UCP1: variants seen among roughly 807,000 people sequenced by gnomAD.
The protein encoded by UCP1 is uncoupling protein 1.
A neutral mutation model predicts 26.2 loss-of-function variants in UCP1; 24 were observed. The observed-to-expected ratio is 0.92, with a 90% CI of 0.66 to 1.29. The LOEUF is 1.29. Among genes scored for constraint, UCP1 ranks in the 50% most tolerant of loss-of-function variants. The probability of loss-of-function intolerance (pLI) is 0.00; values close to 1 mark genes in which losing one functional copy is unlikely to be tolerated. For synonymous variants in UCP1, 164 were observed against 156.8 expected, an observed-to-expected ratio of 1.05 and a Z score of -0.34; for missense variants, 402 against 388.7, an observed-to-expected ratio of 1.03 and a Z score of -0.29.
intron 5 of UCP1, 41 bp downstream of exon 5, chr4:140,562,152 A>C (rs1429775589): frequency 2.5e-6 from 4 of 1,612,042 alleles, no homozygotes; most frequent in Admixed American, 3.3e-5. Flanking sequence ...AAGCACACAG[A>C]CAGCCAGAAC....
At chr4:140,568,117 G>T in intron 1 of UCP1, 140 bp from the exon 2 acceptor site, 2 of 289,946 alleles carry the variant, frequency 6.9e-6, no homozygotes, top group Admixed American at 4.8e-5. Context: ...CCGTGTGTGT[G>T]TGTGTGTGTG....
In UCP1 at chr4:140,568,866, C is replaced by CGGCGGTGCAGA. The variant is rs1485352393; in HGVS notation, c.-148_-138dup. On this transcript the variant is annotated 5_prime_UTR_variant, in exon 1 of 6. Transcript: ENST00000262999. ...GTTTTTTGAACCGACCGCCGGGCAGCGGCGGTGCAGAGGCGGCGGCTGCAG... is the reference window on the plus strand; with the variant it reads ...GTTTTTTGAACCGACCGCCGGGCAGCGGCGGTGCAGAGGCGGTGCAGAGGCGGCGGCTGCAG... 7.1e-7 allele frequency: 1 copy of CGGCGGTGCAGA among 1,405,426 alleles called. No individual in the cohort carries two copies. Among genetic ancestry groups the CGGCGGTGCAGA allele is most frequent in the African/African-American group, 1.4e-5 (1 of 70,262 alleles). 87.1% of individuals were successfully genotyped at this position (1,405,426 alleles called of 1,614,324 possible). A position where few individuals can be genotyped will look rare whatever the true frequency, so the allele number is the denominator to read the frequency against.
intron 1 of UCP1, among the ~76,000 whole-genome samples, 164 bp from the exon 2 acceptor site, chr4:140,568,141 GTGTGTGTGTGT>G (rs1735845995): frequency 6.6e-6 from 1 of 150,726 alleles, no homozygotes; most frequent in African/African-American, 2.5e-5. Context: ...GTGTGTGTGT[GTGTGTGTGTGT>G]GTGTTCGCTC....
chr4:140,564,622 A>C (rs1735757544), intron 2 of UCP1, among the ~76,000 whole-genome samples: 1 of 152,218 alleles, frequency 6.6e-6, no homozygotes, highest in Non-Finnish European at 1.5e-5. Flanking sequence ...AGCAATTTTT[A>C]AATCACTACC....
chr4:140,564,051 A>G (rs1254791760), intron 2 of UCP1, among the ~76,000 whole-genome samples: 1 of 152,242 alleles, frequency 6.6e-6, no homozygotes, highest in Non-Finnish European at 1.5e-5. Context: ...TCAAGGAACA[A>G]GAAAACACAA....
intron 5 of UCP1, among the ~76,000 whole-genome samples, chr4:140,561,115 G>T (rs2110905487): frequency 6.6e-6 from 1 of 151,996 alleles, no homozygotes; most frequent in African/African-American, 2.4e-5. Context: ...TTTAATAACT[G>T]GTATATCCAT....
Position 140,567,727 on chromosome 4 carries a change from C to T in UCP1, c.325+52G>A, listed in dbSNP as rs1027623932. On this transcript the variant is annotated intron_variant, in intron 2 of 5. Transcript: ENST00000262999. ...CCTCTGTGTGTTACACTTTTTGGAA[C>T]AGAGCGGAGCCCAAGGCTTTTCTGC... is the stretch of plus-strand genomic sequence containing the variant. 1.9e-6 allele frequency: 3 copies of T among 1,608,722 alleles called. No individual in the cohort carries two copies. The Admixed American group carries it at 5.0e-5, about 27-fold the overall frequency.
In UCP1 at chr4:140,567,798, G is replaced by C. The variant is rs369633902; in HGVS notation, c.306C>G (p.Phe102Leu). The C allele has an allele frequency of 1.9e-5, 31 of 1,613,914 alleles. No homozygotes were observed. Among genetic ancestry groups the C allele is most frequent in the Non-Finnish European group, 2.6e-5 (31 of 1,179,974 alleles). ...RIGLYDTVQE[F>L]LTAGKETAPS... Reference sequence around the variant, plus strand: ...GCTTACTTTCTTTCCCTGCGGTGAGGAACTCCTGGACCGTGTCGTAGAGGC... The same window carrying C: ...GCTTACTTTCTTTCCCTGCGGTGAGCAACTCCTGGACCGTGTCGTAGAGGC... The change falls in exon 2 of 6, where the codon TTC becomes TTG. Residue 102 changes from phenylalanine to leucine, a missense_variant. Physicochemically the swap from Phe to Leu is conservative, Grantham distance 22 (BLOSUM62 0). Coordinates refer to ENST00000262999, the MANE Select transcript of UCP1 (RefSeq NM_021833.5).
chr4:140,560,059 T>G, intron 5 of UCP1, 49 bp from the exon 6 acceptor site: 1 of 1,549,718 alleles, frequency 6.5e-7, no homozygotes, highest in Non-Finnish European at 8.9e-7. Context: ...ATTTTTTTTT[T>G]TTTTAATTTT....
At chr4:140,566,914 A>G (rs1431329036) in intron 2 of UCP1, among the ~76,000 whole-genome samples, 4 of 152,220 alleles carry the variant, frequency 2.6e-5, no homozygotes, top group Admixed American at 1.3e-4. Context: ...AGGAGCCTGG[A>G]GTCCGAGGCC....
intron 2 of UCP1, 42 bp from the exon 3 acceptor site, chr4:140,563,560 G>A (rs746477797): frequency 1.9e-6 from 3 of 1,549,916 alleles, no homozygotes; most frequent in East Asian, 2.3e-5. Context: ...AAAAATTAAA[G>A]ACCTAGAATG....
In UCP1 at chr4:140,563,184, A is replaced by G. The variant is rs1735717741; in HGVS notation, c.554T>C (p.Val185Ala). ...TACTAGCTCTGTACAATTGATGATGACACTTCTCATCAGATTGGGAGTAGT... is the reference window on the plus strand; with the variant it reads ...TACTAGCTCTGTACAATTGATGATGGCACTTCTCATCAGATTGGGAGTAGT... ...KGTTPNLMRS[V>A]IINCTELVTY... The change falls in exon 4 of 6, where the codon GTC becomes GCC. Residue 185 changes from valine (V) to alanine (A), a missense_variant. Coordinates refer to ENST00000262999, the MANE Select transcript of UCP1 (RefSeq NM_021833.5). The G allele has an allele frequency of 2.5e-6, 4 of 1,613,740 alleles. No individual in the cohort carries two copies. Among genetic ancestry groups the G allele is most frequent in the Non-Finnish European group, 3.4e-6 (4 of 1,179,970 alleles).
At chr4:140,565,633 C>T (rs1735779720) in intron 2 of UCP1, among the ~76,000 whole-genome samples, 1 of 152,156 alleles carries the variant, frequency 6.6e-6, no homozygotes, top group South Asian at 2.1e-4. Context: ...ACCAACATGT[C>T]CTCCCTGTGC....
In UCP1 at chr4:140,562,581, A is replaced by C. The variant is rs1494808; in HGVS notation, c.629-208T>G. Among the ~76,000 whole-genome samples, 67,532 of 152,030 alleles carry C rather than the reference A, an allele frequency of 0.44. 16,969 individuals are homozygous for C. Among genetic ancestry groups the C allele is most frequent in the African/African-American group, 0.69 (28,593 of 41,466 alleles). ...GATTGTTAACACTTTAGGAAAGTAA[A>C]CTGTTAGTTTCCTCTGTGCCTTTAA... On this transcript the variant is annotated intron_variant, in intron 4 of 5. Coordinates refer to ENST00000262999, the MANE Select transcript of UCP1 (RefSeq NM_021833.5).
Position 140,563,536 on chromosome 4 carries a change from A to T in UCP1, c.326-18T>A. 1.9e-6 allele frequency: 3 copies of T among 1,609,810 alleles called. No homozygotes were observed. Among genetic ancestry groups the T allele is most frequent in the Non-Finnish European group, 2.5e-6 (3 of 1,178,568 alleles). ...AGGTGCTGCTATCCAGAGAGAAAAA[A>T]AATTATTAAGAAAAAAAATTAAAGA... On this transcript the variant is annotated intron_variant, in intron 2 of 5. Coordinates refer to ENST00000262999, the MANE Select transcript of UCP1 (RefSeq NM_021833.5).
chr4:140,567,677 T>C, intron 2 of UCP1, 102 bp downstream of exon 2: 4 of 1,437,328 alleles, frequency 2.8e-6, no homozygotes, highest in Non-Finnish European at 2.9e-6. Context: ...GAATGTTTTC[T>C]CGCCAATTTG....
rs866125734 is a variant in UCP1, at chr4:140,563,359, C to T, written c.485G>A (p.Arg162Lys). 6 of 1,614,086 alleles carry T rather than the reference C, an allele frequency of 3.7e-6. No homozygotes were observed. In the Middle Eastern group the frequency reaches 8.2e-4, roughly 222 times the overall value. Residue 162 changes from arginine (R) to lysine (K), a missense_variant, in exon 3 of 6, where the codon AGA (arginine) becomes AAA (lysine). Physicochemically the swap from Arg to Lys is conservative, Grantham distance 26. Coordinates refer to ENST00000262999, the MANE Select transcript of UCP1 (RefSeq NM_021833.5). ...PRYTGTYNAY[R>K]IIATTEGLTG... ...CAAGCCTTCGGTTGTTGCTATTATT[C>T]TGTACGCATTATAAGTCCCCGTGTA...
At chr4:140,568,561 C>G in intron 1 of UCP1, 43 bp downstream of exon 1, 1 of 1,613,010 alleles carries the variant, frequency 6.2e-7, no homozygotes, top group Non-Finnish European at 8.5e-7. Flanking sequence ...AACAGCGTCC[C>G]CTCTGTCCTG....
chr4:140,560,102 G>A, intron 5 of UCP1, 92 bp from the exon 6 acceptor site: 2 of 1,046,274 alleles, frequency 1.9e-6, no homozygotes, highest in African/African-American at 1.6e-5. Flanking sequence ...GCCCAGGCTG[G>A]AATGCAGTAG....
Sources: allele counts gnomAD v4.1 joint callset (sites outside exome capture counted in the v4.1 genomes callset), GRCh38; gene constraint gnomAD v4.1.1; transcripts MANE v1.5; gene names NCBI Gene and HGNC (gene_info 2026-07-23, HGNC 2026-07-21).